MEGF10: variants seen among roughly 807,000 people sequenced by gnomAD.
MEGF10 encodes multiple epidermal growth factor-like domains protein 10.
Under a neutral mutation model 147.5 loss-of-function variants are expected in MEGF10, and 86 were observed. That is an observed-to-expected ratio of 0.58 (90% CI 0.49 to 0.70). The LOEUF (loss-of-function observed/expected upper bound fraction) is 0.70, where lower values mean the gene tolerates loss of function less well. Ranked by LOEUF, MEGF10 falls within the 30% of genes least tolerant of loss-of-function variation. The pLI, the probability that MEGF10 is intolerant of heterozygous loss-of-function variation, is 0.00. For synonymous variants in MEGF10, 478 were observed against 525.5 expected, an observed-to-expected ratio of 0.91 and a Z score of 1.24; for missense variants, 1,329 against 1,487.3, an observed-to-expected ratio of 0.89 and a Z score of 1.75.
chr5:127,443,103 G>A lies in MEGF10; in HGVS notation c.2468G>A (p.Trp823Ter). The change falls in exon 19 of 25, where the codon TGG becomes TAG. Residue 823 changes from tryptophan (W) to a stop codon, truncating the protein, a stop_gained. Coordinates refer to ENST00000503335, the MANE Select transcript of MEGF10 (RefSeq NM_001256545.2). LOFTEE classifies it high-confidence loss of function. ...GGGACCTGTTACTGCAGCCCCGGAT[G>A]GAAGGGAGCGAGATGTGATCAAGGT... ...ITGTCYCSPG[W>*]KGARCDQAGV... 6.2e-7 allele frequency: 1 copy of A among 1,613,572 alleles called. No individual in the cohort carries two copies. Among genetic ancestry groups the A allele is most frequent in the Admixed American group, 1.7e-5 (1 of 60,012 alleles).
chr5:127,244,960 A>G, the MEGF10 span, among the ~76,000 whole-genome samples: 2 of 152,228 alleles, frequency 1.3e-5, no homozygotes, highest in African/African-American at 4.8e-5. Flanking sequence ...AGGAGAGGAC[A>G]CAAACAAATG....
At chr5:127,231,942 T>A in the MEGF10 span, among the ~76,000 whole-genome samples, 1 of 152,196 alleles carries the variant, frequency 6.6e-6, no homozygotes, top group Non-Finnish European at 1.5e-5. Flanking sequence ...TGTGACAAGA[T>A]CTCCAGTGAA....
intron 2 of MEGF10, among the ~76,000 whole-genome samples, chr5:127,336,651 C>T (rs1761482286): frequency 6.6e-6 from 1 of 152,076 alleles, no homozygotes; most frequent in South Asian, 2.1e-4. Flanking sequence ...ATTTTGCACT[C>T]CAAGGCACAC....
At chr5:127,293,203 A>C (rs540685123) in intron 1 of MEGF10, among the ~76,000 whole-genome samples, 8 of 152,336 alleles carry the variant, frequency 5.3e-5, no homozygotes, top group African/African-American at 1.9e-4. Flanking sequence ...GCTGTTTTTG[A>C]ACCCCCACTT....
chr5:127,287,775 G>C (rs981752956), upstream of MEGF10, among the ~76,000 whole-genome samples: 1 of 151,808 alleles, frequency 6.6e-6, no homozygotes, highest in Non-Finnish European at 1.5e-5. Flanking sequence ...AACAAAAGCT[G>C]AAGAGTTGAA....
chr5:127,438,350 G>T, intron 16 of MEGF10, 89 bp from the exon 17 acceptor site: 2 of 1,409,536 alleles, frequency 1.4e-6, no homozygotes, highest in South Asian at 1.3e-5. Flanking sequence ...CCTCTCACAT[G>T]CAGGGAGATG....
chr5:127,324,724 A>C (rs1760934880), intron 1 of MEGF10, among the ~76,000 whole-genome samples: 1 of 152,202 alleles, frequency 6.6e-6, no homozygotes, highest in Non-Finnish European at 1.5e-5. Flanking sequence ...GACTTCAAGT[A>C]AATTCTACTG....
intron 4 of MEGF10, among the ~76,000 whole-genome samples, chr5:127,364,645 A>T (rs1422248006): frequency 6.6e-6 from 1 of 152,212 alleles, no homozygotes; most frequent in Non-Finnish European, 1.5e-5. Flanking sequence ...ATTCCTGTGC[A>T]CTTTGTAATT....
intron 1 of MEGF10, among the ~76,000 whole-genome samples, chr5:127,301,410 A>T (rs1464413507): frequency 6.6e-6 from 1 of 151,918 alleles, no homozygotes; most frequent in African/African-American, 2.4e-5. Context: ...TCTCCAAAAG[A>T]GAGTTTGGGG....
At chr5:127,281,170 A>C in the MEGF10 span, among the ~76,000 whole-genome samples, 1 of 152,158 alleles carries the variant, frequency 6.6e-6, no homozygotes, top group East Asian at 1.9e-4. Context: ...GCAGAACTTC[A>C]TTCTGTCCTT....
intron 1 of MEGF10, among the ~76,000 whole-genome samples, chr5:127,305,744 C>G (rs1458903844): frequency 3.3e-5 from 5 of 152,114 alleles, no homozygotes; most frequent in Non-Finnish European, 7.4e-5. Flanking sequence ...GTGCAGCCAC[C>G]GGGGATGGTT....
chr5:127,316,787 T>C (rs533763007), intron 1 of MEGF10, among the ~76,000 whole-genome samples: 13 of 152,224 alleles, frequency 8.5e-5, no homozygotes, highest in African/African-American at 3.1e-4. Flanking sequence ...AGATGAGCGG[T>C]GTGGTGTGTG....
intron 13 of MEGF10, among the ~76,000 whole-genome samples, chr5:127,425,486 G>A (rs1224859952): frequency 6.6e-6 from 1 of 152,128 alleles, no homozygotes; most frequent in Non-Finnish European, 1.5e-5. Context: ...GTAAGCATCT[G>A]TCAGTATCTA....
In MEGF10 at chr5:127,455,675, G is replaced by A. The variant is rs561161361; in HGVS notation, c.3232+68G>A. The A allele has an allele frequency of 1.6e-5, 19 of 1,221,922 alleles. No individual in the cohort carries two copies. The African/African-American group carries it at 2.3e-4, about 15-fold the overall frequency. 75.7% of individuals were successfully genotyped at this position (1,221,922 alleles called of 1,614,324 possible). On this transcript the variant is annotated intron_variant, in intron 24 of 24. Coordinates refer to ENST00000503335, the MANE Select transcript of MEGF10 (RefSeq NM_001256545.2). ...TTAAAAACAATTTTAAAGTCTTTAC[G>A]AATATAATAGTTGCAGGTCATAGAA...
At chr5:127,326,465 G>T (rs1761038671) in intron 1 of MEGF10, among the ~76,000 whole-genome samples, 1 of 152,152 alleles carries the variant, frequency 6.6e-6, no homozygotes, top group Admixed American at 6.6e-5. Flanking sequence ...ATGCCTTAAG[G>T]ATTCCTTTCA....
chr5:127,281,741 G>A, the MEGF10 span, among the ~76,000 whole-genome samples: 1 of 152,192 alleles, frequency 6.6e-6, no homozygotes, highest in Non-Finnish European at 1.5e-5. Flanking sequence ...ACTGCTGAAG[G>A]GCAGGGCATG....
intron 23 of MEGF10, 79 bp downstream of exon 23, chr5:127,454,689 C>T (rs1766290704): frequency 2.3e-6 from 3 of 1,295,182 alleles, no homozygotes; most frequent in Non-Finnish European, 3.3e-6. Flanking sequence ...AGTTTTTAAA[C>T]AAGCTAGAAT....
Position 127,458,739 on chromosome 5 carries a change from G to C in MEGF10, c.*1421G>C, listed in dbSNP as rs1232207176. Reference sequence around the variant, plus strand: ...TTTGATCTGTTGGTGCTGAGCCTTGGTTAAACCAGGGAGAAGGGGAGCAGA... The same window carrying C: ...TTTGATCTGTTGGTGCTGAGCCTTGCTTAAACCAGGGAGAAGGGGAGCAGA... On this transcript the variant is annotated 3_prime_UTR_variant, in exon 25 of 25. Coordinates refer to ENST00000503335, the MANE Select transcript of MEGF10 (RefSeq NM_001256545.2). The C allele has an allele frequency of 6.6e-6, 1 of 152,068 alleles. No individual in the cohort carries two copies. The highest frequency in any genetic ancestry group is 1.9e-4 in the East Asian group (1 of 5,200). 9.4% of individuals were successfully genotyped at this position (152,068 alleles called of 1,614,324 possible).
At chr5:127,371,342 T>G (rs1373541225) in intron 5 of MEGF10, among the ~76,000 whole-genome samples, 2 of 152,112 alleles carry the variant, frequency 1.3e-5, no homozygotes, top group South Asian at 4.2e-4. Flanking sequence ...AGTGGGCATT[T>G]TGTTCACACG....
Sources: gnomAD v4.1 joint callset for allele counts (sites outside exome capture counted in the v4.1 genomes callset) on GRCh38, gnomAD v4.1.1 for gene constraint, MANE v1.5 for transcripts, NCBI Gene and HGNC (gene_info 2026-07-23, HGNC 2026-07-21) for gene names.